Variants in SLC2A10 observed in about 807,000 individuals in gnomAD.
SLC2A10 encodes solute carrier family 2 member 10.
A neutral mutation model predicts 32.1 loss-of-function variants in SLC2A10; 25 were observed. The ratio of observed to expected loss-of-function variants is 0.78; its 90% confidence interval spans 0.57 to 1.09. The LOEUF is 1.09. Ranked by LOEUF, SLC2A10 falls within the 50% of genes least tolerant of loss-of-function variation. SLC2A10 has a pLI of 0.00. For missense variants in SLC2A10, 673 were observed against 686.5 expected (o/e 0.98, Z 0.22); for synonymous variants, 332 against 309.6 (o/e 1.07, Z -0.76).
upstream of SLC2A10, among the ~76,000 whole-genome samples, chr20:46,708,335 A>G (rs1001316434): frequency 6.6e-6 from 1 of 152,194 alleles, no homozygotes; most frequent in Non-Finnish European, 1.5e-5. Context: ...GAGGCTGGAT[A>G]AGGCTGCGCC....
rs1336986338 is a variant in SLC2A10, at chr20:46,726,257, G to A, written c.1221G>A (p.Leu407=). 5 of 1,613,292 alleles carry A rather than the reference G, an allele frequency of 3.1e-6. No individual in the cohort carries two copies. The highest frequency in any genetic ancestry group is 4.2e-6 in the Non-Finnish European group (5 of 1,180,046). The change falls in exon 2 of 5, where the codon CTG becomes CTA. Residue 407 remains leucine, a synonymous_variant. Coordinates refer to ENST00000359271, the MANE Select transcript of SLC2A10 (RefSeq NM_030777.4). ...CTCTGCCCGCTCGGGGGCATGCACT[G>A]CTGCGCTGGACCGCACTGCTGTGCC... is the stretch of plus-strand genomic sequence containing the variant. ...GPPLPARGHA[L]LRWTALLCLM...
chr20:46,709,890 T>C, intron 1 of SLC2A10, 150 bp downstream of exon 1: 1 of 832,986 alleles, frequency 1.2e-6, no homozygotes, highest in Non-Finnish European at 1.9e-6. Flanking sequence ...AGCCCGAGAC[T>C]GCAGGCCTGC....
At chr20:46,729,626 T>TTG in intron 4 of SLC2A10, 138 bp downstream of exon 4, 2 of 28,808 alleles carry the variant, frequency 6.9e-5, no homozygotes, top group Non-Finnish European at 9.0e-5. Flanking sequence ...GCACTATGAG[T>TTG]TTTTTTTTTT....
chr20:46,709,376 G>A (rs1336861911), upstream of SLC2A10: 1 of 367,608 alleles, frequency 2.7e-6, no homozygotes, highest in East Asian at 5.2e-5. Context: ...TGCGTGTGGG[G>A]TCTTCTACCA....
upstream of SLC2A10, chr20:46,709,458 TG>T (rs559671244): frequency 5.3e-5 from 23 of 435,376 alleles, 1 homozygote; most frequent in South Asian, 1.0e-3. Flanking sequence ...AGATGGCGGG[TG>T]GGGGCCCCCG....
rs985443887 is a variant in SLC2A10 at position 46,735,024 on chromosome 20, G to A, written c.*1190G>A. On this transcript the variant is annotated 3_prime_UTR_variant, in exon 5 of 5. Transcript: ENST00000359271. ...TTCAGGAGGGTCCCCAGCTGGTCCA[G>A]GGCCTGGGAAATTTCTACTTATCCT... 2.6e-5 allele frequency: 4 copies of A among 152,640 alleles called. No individual in the cohort carries two copies. Among genetic ancestry groups the A allele is most frequent in the Non-Finnish European group, 5.9e-5 (4 of 68,054 alleles). 9.5% of individuals were successfully genotyped at this position (152,640 alleles called of 1,614,324 possible).
chr20:46,726,985 T>C lies in SLC2A10; in HGVS notation c.1410T>C (p.Ile470=), dbSNP rs1302173046. 7 of 1,614,240 alleles carry C rather than the reference T, an allele frequency of 4.3e-6. No individual in the cohort carries two copies. Among genetic ancestry groups the C allele is most frequent in the Non-Finnish European group, 5.1e-6 (6 of 1,180,048 alleles). ...TCAGCCTCTCCTTCCTCGATCTCAT[T>C]GGTGAGTCCTTCCCAGACAAGTCCG... The part of the protein sequence containing the change: ...LFISLSFLDL[I]GTIGLSWTFL... Residue 470 remains isoleucine, a splice_region_variant and synonymous_variant, in exon 3 of 5, where the codon ATT becomes ATC. Coordinates refer to ENST00000359271, the MANE Select transcript of SLC2A10 (RefSeq NM_030777.4).
intron 3 of SLC2A10, 32 bp from the exon 4 acceptor site, chr20:46,729,321 C>T: frequency 6.2e-7 from 1 of 1,612,582 alleles, no homozygotes; most frequent in Non-Finnish European, 8.5e-7. Context: ...GTGCTTGGTC[C>T]TGGGCCTACA....
rs539794589 is a variant in SLC2A10 at position 46,733,126 on chromosome 20, A to G, written c.1548-630A>G. Reference sequence around the variant, plus strand: ...ATGAAGAAATACTGGGTAATTTATAAAGAAAAGAGGTTTAATTGGCTCACA... The same window carrying G: ...ATGAAGAAATACTGGGTAATTTATAGAGAAAAGAGGTTTAATTGGCTCACA... On this transcript the variant is annotated intron_variant, in intron 4 of 4. Transcript: ENST00000359271. Among the ~76,000 whole-genome samples the G allele has an allele frequency of 3.3e-5, 5 of 152,310 alleles. No individual in the cohort carries two copies. In the East Asian group the frequency reaches 9.6e-4, roughly 29 times the overall value.
At chr20:46,720,834 T>G (rs1421803199) in intron 1 of SLC2A10, among the ~76,000 whole-genome samples, 2 of 152,246 alleles carry the variant, frequency 1.3e-5, no homozygotes, top group Admixed American at 1.3e-4. Context: ...TAACATTTCC[T>G]CATTTTATAG....
chr20:46,720,480 T>G (rs1253749786), intron 1 of SLC2A10, among the ~76,000 whole-genome samples: 1 of 152,238 alleles, frequency 6.6e-6, no homozygotes, highest in Non-Finnish European at 1.5e-5. Context: ...ATTTTTGAGC[T>G]CCTCCTTTAC....
In SLC2A10 at chr20:46,734,112, T is replaced by G. The variant is rs184782990; in HGVS notation, c.*278T>G. ...CTCTGCAGTATTTATAAGAAGAATA[T>G]TCTATGAAGTCTTTGTTGCACCATG... On this transcript the variant is annotated 3_prime_UTR_variant, in exon 5 of 5. Coordinates refer to ENST00000359271, the MANE Select transcript of SLC2A10 (RefSeq NM_030777.4). 1.9e-6 allele frequency: 1 copy of G among 512,944 alleles called. No individual in the cohort carries two copies. The highest frequency in any genetic ancestry group is 3.6e-5 in the East Asian group (1 of 27,872). 31.8% of individuals were successfully genotyped at this position (512,944 alleles called of 1,614,324 possible). A position where few individuals can be genotyped will look rare whatever the true frequency, so the allele number is the denominator to read the frequency against.
rs3092014 is a variant in SLC2A10, at chr20:46,724,875, C to CGGATGGATGGATGGAT, written c.5-151_5-136dup. Among the ~76,000 whole-genome samples the CGGATGGATGGATGGAT allele has an allele frequency of 0.052, 7,243 of 139,732 alleles. 298 individuals carry two copies. The highest frequency in any genetic ancestry group is 0.11 in the South Asian group (452 of 4,068). 91.7% of individuals were successfully genotyped at this position (139,732 alleles called of 152,430 possible). A position where few individuals can be genotyped will look rare whatever the true frequency, so the allele number is the denominator to read the frequency against. On this transcript the variant is annotated intron_variant, in intron 1 of 4. Coordinates refer to ENST00000359271, the MANE Select transcript of SLC2A10 (RefSeq NM_030777.4). Reference sequence around the variant, plus strand: ...TGAATTGATGGAGTGGATGGATGGACGGATGGATGGATGGATGGATGGATG... The same window carrying CGGATGGATGGATGGAT: ...TGAATTGATGGAGTGGATGGATGGACGGATGGATGGATGGATGGATGGATGGATGGATGGATGGATG...
chr20:46,723,042 A>G (rs941222386), intron 1 of SLC2A10, among the ~76,000 whole-genome samples: 2 of 152,234 alleles, frequency 1.3e-5, no homozygotes, highest in African/African-American at 4.8e-5. Context: ...TAGTTTCACT[A>G]AGTCAGAAAT....
At chr20:46,718,466 T>A (rs1361150294) in intron 1 of SLC2A10, among the ~76,000 whole-genome samples, 1 of 152,160 alleles carries the variant, frequency 6.6e-6, no homozygotes, top group East Asian at 1.9e-4. Flanking sequence ...ACTTGCTCTT[T>A]GGGTTCATTT....
At chr20:46,711,591 C>A (rs573659307) in intron 1 of SLC2A10, among the ~76,000 whole-genome samples, 157 of 152,284 alleles carry the variant, frequency 1.0e-3, no homozygotes, top group South Asian at 2.5e-3. Flanking sequence ...TAAATCAACC[C>A]AACAGCCATT....
At chr20:46,712,081 CA>C (rs1200040450) in intron 1 of SLC2A10, among the ~76,000 whole-genome samples, 1 of 152,108 alleles carries the variant, frequency 6.6e-6, no homozygotes. Flanking sequence ...ATGGGAATGA[CA>C]ATAGTGATTG....
At chr20:46,727,874 A>G (rs2123057364) in intron 3 of SLC2A10, among the ~76,000 whole-genome samples, 1 of 152,150 alleles carries the variant, frequency 6.6e-6, no homozygotes, top group East Asian at 1.9e-4. Context: ...CCTATTCCCT[A>G]TGGCCAAGAG....
chr20:46,728,807 T>C (rs1980121055), intron 3 of SLC2A10, among the ~76,000 whole-genome samples: 1 of 151,870 alleles, frequency 6.6e-6, no homozygotes. Context: ...TTATTTTTAG[T>C]AGAGACAGGG....
Sources: gnomAD v4.1 joint callset for allele counts (sites outside exome capture counted in the v4.1 genomes callset) on GRCh38, gnomAD v4.1.1 for gene constraint, MANE v1.5 for transcripts, NCBI Gene and HGNC (gene_info 2026-07-23, HGNC 2026-07-21) for gene names.